RAB33A: variants seen among roughly 807,000 people sequenced by gnomAD.
RAB33A encodes RAB33A, member RAS oncogene family.
RAB33A carries 6 observed loss-of-function variants against 12.0 expected under a neutral mutation model. That is an observed-to-expected ratio of 0.50 (90% CI 0.27 to 0.99). The LOEUF is 0.99. Ranked by LOEUF, RAB33A falls within the 50% of genes least tolerant of loss-of-function variation. The pLI is 0.11. For synonymous variants in RAB33A, 70 were observed against 82.4 expected, an observed-to-expected ratio of 0.85 and a Z score of 0.81; for missense variants, 109 against 192.0, an observed-to-expected ratio of 0.57 and a Z score of 2.55.
At chrX:130,135,044 T>C in the RAB33A span, among the ~76,000 whole-genome samples, 1 of 109,804 alleles carries the variant, frequency 9.1e-6, no homozygotes, top group Non-Finnish European at 1.9e-5. Context: ...TCCTCTCCTC[T>C]CTCCTTCTTG....
chrX:130,117,449 G>A, the RAB33A span, among the ~76,000 whole-genome samples: 1 of 111,952 alleles, frequency 8.9e-6, no homozygotes, highest in Non-Finnish European at 1.9e-5. Context: ...ACCCCCGACA[G>A]CTGGGGAGTG....
chrX:130,129,927 C>T, the RAB33A span: 15 of 1,193,315 alleles, frequency 1.3e-5, no homozygotes, highest in South Asian at 1.4e-4. Context: ...TGTTTCTAAG[C>T]CGTACTTCCC....
chrX:130,168,614 C>T (rs1256523112), upstream of RAB33A, among the ~76,000 whole-genome samples: 1 of 111,562 alleles, frequency 9.0e-6, no homozygotes, highest in East Asian at 2.8e-4. Context: ...TGGTCTTGAA[C>T]TCCTGGGCTC....
chrX:130,183,932 C>T (rs1315575919), intron 1 of RAB33A, among the ~76,000 whole-genome samples: 1 of 111,503 alleles, frequency 9.0e-6, no homozygotes, highest in African/African-American at 3.3e-5. Flanking sequence ...TCTTTTTGCC[C>T]AGGCTGGAGT....
chrX:130,137,117 C>G, the RAB33A span: 1 of 1,211,081 alleles, frequency 8.3e-7, no homozygotes, highest in East Asian at 3.0e-5. Context: ...CTGAGGTATT[C>G]GGGGAGGATC....
chrX:130,144,390 A>G, the RAB33A span, among the ~76,000 whole-genome samples: 1 of 111,725 alleles, frequency 9.0e-6, no homozygotes, highest in Non-Finnish European at 1.9e-5. Flanking sequence ...GCCCTCCACA[A>G]TCAGGCCCCT....
At chrX:130,122,445 TATGA>T in the RAB33A span, among the ~76,000 whole-genome samples, 6 of 112,485 alleles carry the variant, frequency 5.3e-5, no homozygotes, top group Non-Finnish European at 1.1e-4. Flanking sequence ...CTTTTGTCTG[TATGA>T]TAAGAGCCAA....
At chrX:130,137,396 GC>G in the RAB33A span, 7 of 1,154,862 alleles carry the variant, frequency 6.1e-6, no homozygotes, top group Admixed American at 1.9e-4. Context: ...AGAACTGCTG[GC>G]CCCAGATTAA....
chrX:130,139,552 A>G, the RAB33A span, among the ~76,000 whole-genome samples: 9 of 111,471 alleles, frequency 8.1e-5, no homozygotes, highest in Admixed American at 1.9e-4. Flanking sequence ...TGGAAGAGCA[A>G]TCAGAAGGAT....
intron 1 of RAB33A, among the ~76,000 whole-genome samples, chrX:130,183,462 G>A (rs5932723): frequency 0.085 from 9,284 of 108,682 alleles, 372 homozygotes; most frequent in African/African-American, 0.13. Context: ...GGCTGAGGCA[G>A]GAGAATGGCG....
intron 1 of RAB33A, among the ~76,000 whole-genome samples, chrX:130,173,358 G>A (rs757219774): frequency 3.6e-5 from 4 of 111,675 alleles, no homozygotes; most frequent in African/African-American, 9.8e-5. Flanking sequence ...TTCCTTGAGC[G>A]TATGGTTGGA....
chrX:130,165,250 G>A, the RAB33A span, among the ~76,000 whole-genome samples: 3 of 80,802 alleles, frequency 3.7e-5, no homozygotes, highest in African/African-American at 4.7e-5. Context: ...AAAGGGGGGT[G>A]GGGGGTGGGG....
At chrX:130,143,696 C>A in the RAB33A span, among the ~76,000 whole-genome samples, 7 of 99,832 alleles carry the variant, frequency 7.0e-5, no homozygotes, top group African/African-American at 3.6e-5. Context: ...ACTAAAAAGA[C>A]AAAAAAAAAA....
the RAB33A span, among the ~76,000 whole-genome samples, chrX:130,147,033 G>A: frequency 7.2e-5 from 8 of 111,490 alleles, 1 homozygote; most frequent in Middle Eastern, 0.014. Flanking sequence ...GTGGTGGTAC[G>A]TGCTTGTAAT....
chrX:130,134,151 GGC>G, the RAB33A span, among the ~76,000 whole-genome samples: 1 of 109,595 alleles, frequency 9.1e-6, no homozygotes, highest in Non-Finnish European at 1.9e-5. Context: ...ACAGGAGAAT[GGC>G]TTGAACCCAG....
chrX:130,123,173 A>G, the RAB33A span, among the ~76,000 whole-genome samples: 1 of 111,896 alleles, frequency 8.9e-6, no homozygotes, highest in East Asian at 2.8e-4. Flanking sequence ...GTTGCAGACA[A>G]AGGAGGTCAG....
At chrX:130,139,717 G>T in the RAB33A span, 1 of 968,440 alleles carries the variant, frequency 1.0e-6, no homozygotes, top group Non-Finnish European at 1.5e-6. Context: ...CCCAAGTCCC[G>T]GGTGGGCACT....
chrX:130,163,167 C>T, the RAB33A span, among the ~76,000 whole-genome samples: 2 of 109,544 alleles, frequency 1.8e-5, no homozygotes, highest in African/African-American at 6.7e-5. Context: ...AAAATTAGCC[C>T]GGCGTGGTGG....
At chrX:130,169,658 A>G (rs1167630280), upstream of RAB33A, among the ~76,000 whole-genome samples, 1 of 112,601 alleles carries the variant, frequency 8.9e-6, no homozygotes, top group Non-Finnish European at 1.9e-5. Context: ...TAGGGCAAGA[A>G]GCCCATTTTG....
Sources: gnomAD v4.1 joint callset for allele counts (sites outside exome capture counted in the v4.1 genomes callset) on GRCh38, gnomAD v4.1.1 for gene constraint, MANE v1.5 for transcripts, NCBI Gene and HGNC (gene_info 2026-07-23, HGNC 2026-07-21) for gene names.